NR6A1: variants seen among roughly 807,000 people sequenced by gnomAD.
The protein encoded by NR6A1 is nuclear receptor subfamily 6 group A member 1.
NR6A1 carries 7 observed loss-of-function variants against 59.1 expected under a neutral mutation model. The ratio of observed to expected loss-of-function variants is 0.12; its 90% confidence interval spans 0.07 to 0.22. The LOEUF is 0.22. NR6A1 is among the 10% of genes least tolerant of loss of function. The probability of loss-of-function intolerance (pLI) is 1.00; values close to 1 mark genes in which losing one functional copy is unlikely to be tolerated. For synonymous variants in NR6A1, 243 were observed against 236.1 expected (o/e 1.03, Z -0.27); for missense variants, 468 against 611.6 (o/e 0.77, Z 2.48).
At chr9:124,624,835 C>T (rs1456379293) in intron 2 of NR6A1, among the ~76,000 whole-genome samples, 1 of 151,992 alleles carries the variant, frequency 6.6e-6, no homozygotes, top group African/African-American at 2.4e-5. Flanking sequence ...ACAAAAATAA[C>T]AGCCTTGAAC....
intron 2 of NR6A1, among the ~76,000 whole-genome samples, chr9:124,636,415 G>C (rs1836613674): frequency 6.6e-6 from 1 of 151,822 alleles, no homozygotes; most frequent in Non-Finnish European, 1.5e-5. Flanking sequence ...TTTTAATTTT[G>C]ATGAAGTCCA....
At chr9:124,761,078 A>C (rs1169333592) in intron 1 of NR6A1, among the ~76,000 whole-genome samples, 1 of 152,264 alleles carries the variant, frequency 6.6e-6, no homozygotes, top group Non-Finnish European at 1.5e-5. Context: ...GGAAGAAAAA[A>C]GCCAAATCTG....
chr9:124,653,243 C>A (rs188360484), intron 2 of NR6A1, among the ~76,000 whole-genome samples: 5 of 151,666 alleles, frequency 3.3e-5, no homozygotes, highest in Non-Finnish European at 5.9e-5. Flanking sequence ...CTTCAGTAAG[C>A]TGTGAAATCA....
chr9:124,562,547 C>T (rs868170538), intron 2 of NR6A1, among the ~76,000 whole-genome samples: 1 of 152,072 alleles, frequency 6.6e-6, no homozygotes, highest in Non-Finnish European at 1.5e-5. Flanking sequence ...CCTCACGCCT[C>T]GCCTCCCGAG....
chr9:124,601,130 G>C (rs1458104986), intron 2 of NR6A1, among the ~76,000 whole-genome samples: 1 of 151,674 alleles, frequency 6.6e-6, no homozygotes, highest in African/African-American at 2.4e-5. Flanking sequence ...ACAAAAATTA[G>C]CCAGGCATGG....
In NR6A1 at chr9:124,735,769, G is replaced by A. The variant is rs137906054; in HGVS notation, c.101-2420C>T. On this transcript the variant is annotated intron_variant, in intron 1 of 9. Coordinates refer to ENST00000487099, the MANE Select transcript of NR6A1 (RefSeq NM_033334.4). ...AAGTAAGTCTCACAGTTCTGGAGCC[G>A]TGAAGTCCAAGATCAAGATGCTGGT... 4.6e-5 allele frequency among the ~76,000 whole-genome samples: 7 copies of A among 152,290 alleles called. No homozygotes were observed. In the East Asian group the frequency reaches 9.6e-4, roughly 21 times the overall value.
intron 1 of NR6A1, among the ~76,000 whole-genome samples, chr9:124,764,222 G>A (rs920951532): frequency 6.6e-6 from 1 of 151,838 alleles, no homozygotes; most frequent in Non-Finnish European, 1.5e-5. Flanking sequence ...ATCTGGTTAA[G>A]CTATTCCCTT....
intron 2 of NR6A1, among the ~76,000 whole-genome samples, chr9:124,711,622 C>A (rs968644539): frequency 6.6e-6 from 1 of 152,096 alleles, no homozygotes; most frequent in African/African-American, 2.4e-5. Context: ...TCACCCCATC[C>A]CCAAACTCAG....
At chr9:124,695,612 C>T (rs1212973845) in intron 2 of NR6A1, among the ~76,000 whole-genome samples, 3 of 152,196 alleles carry the variant, frequency 2.0e-5, no homozygotes, top group Non-Finnish European at 2.9e-5. Flanking sequence ...TCAAGTGATC[C>T]GCCCGCCTCG....
rs559145714 is a variant in NR6A1, at chr9:124,683,179, G to A, written c.142+50129C>T. Among the ~76,000 whole-genome samples the A allele has an allele frequency of 1.2e-4, 18 of 152,044 alleles. No individual in the cohort carries two copies. In the South Asian group the frequency reaches 3.3e-3, roughly 28 times the overall value. ...ATCACGCCACTACACTCCAGCCTGG[G>A]GCATAGAGTGAGACCCTCCAAGACA... On this transcript the variant is annotated intron_variant, in intron 2 of 9. Transcript: ENST00000487099.
At chr9:124,714,807 G>C (rs577559875) in intron 2 of NR6A1, among the ~76,000 whole-genome samples, 1 of 152,076 alleles carries the variant, frequency 6.6e-6, no homozygotes, top group African/African-American at 2.4e-5. Context: ...TAAGGATAAA[G>C]ATGTATAAGA....
Position 124,688,756 on chromosome 9 carries a change from C to G in NR6A1, c.142+44552G>C, listed in dbSNP as rs543961688. Among the ~76,000 whole-genome samples, 356 of 152,270 alleles carry G rather than the reference C, an allele frequency of 2.3e-3. 2 individuals are homozygous for G. The highest frequency in any genetic ancestry group is 3.9e-3 in the Non-Finnish European group (264 of 68,012). On this transcript the variant is annotated intron_variant, in intron 2 of 9. Transcript: ENST00000487099. ...ATCTGAAGTTCACAGACAAACCCAC[C>G]AAGGAGGTGATAAATGAGTTCCTGG...
Position 124,599,019 on chromosome 9 carries a change from CCCT to C in NR6A1, c.143-44452_143-44450del, listed in dbSNP as rs1275349098. ...TTGGCACAAATCTTCAGGGTCTTGTCCCTCCTCATGAGGAGGCGGGTGGTCCCC... is the reference window on the plus strand; with the variant it reads ...TTGGCACAAATCTTCAGGGTCTTGTCCCTCATGAGGAGGCGGGTGGTCCCC... On this transcript the variant is annotated intron_variant, in intron 2 of 9. Coordinates refer to ENST00000487099, the MANE Select transcript of NR6A1 (RefSeq NM_033334.4). 57 of 742,978 alleles carry C rather than the reference CCCT, an allele frequency of 7.7e-5. 3 individuals carry two copies. Among genetic ancestry groups the C allele is most frequent in the South Asian group, 7.2e-4 (51 of 70,774 alleles). The allele number at this position is 742,978 out of a possible 1,614,324, so 46.0% of individuals were successfully genotyped here. A position where few individuals can be genotyped will look rare whatever the true frequency, so the allele number is the denominator to read the frequency against.
chr9:124,592,678 C>T (rs1283074701), intron 2 of NR6A1, among the ~76,000 whole-genome samples: 1 of 152,154 alleles, frequency 6.6e-6, no homozygotes, highest in East Asian at 1.9e-4. Context: ...GCAGGTCTCC[C>T]CGCCTCCCCT....
chr9:124,706,537 T>C (rs10760372), intron 2 of NR6A1, among the ~76,000 whole-genome samples: 94,291 of 151,618 alleles, frequency 0.62, 30,794 homozygotes, highest in African/African-American at 0.83. Context: ...TTTTTTGAGA[T>C]AGTCTCGCCC....
intron 2 of NR6A1, among the ~76,000 whole-genome samples, chr9:124,573,093 C>T (rs556371156): frequency 1.2e-4 from 18 of 152,190 alleles, no homozygotes; most frequent in Non-Finnish European, 2.1e-4. Flanking sequence ...ATCTTCACAG[C>T]GACAATGGGG....
At chr9:124,643,047 C>A (rs1214658171) in intron 2 of NR6A1, among the ~76,000 whole-genome samples, 1 of 135,140 alleles carries the variant, frequency 7.4e-6, no homozygotes, top group Non-Finnish European at 1.5e-5. Context: ...TTAGCTTTAT[C>A]TAGCACCTCT....
chr9:124,664,136 A>G (rs141615915), intron 2 of NR6A1, among the ~76,000 whole-genome samples: 1 of 152,220 alleles, frequency 6.6e-6, no homozygotes, highest in Non-Finnish European at 1.5e-5. Flanking sequence ...TTCCTACTAC[A>G]TCTGTGGATT....
At chr9:124,571,268 G>A (rs949238268) in intron 2 of NR6A1, among the ~76,000 whole-genome samples, 1 of 152,202 alleles carries the variant, frequency 6.6e-6, no homozygotes, top group African/African-American at 2.4e-5. Flanking sequence ...GGTTAGTTGA[G>A]GTAGTGGGAG....
Sources: allele counts gnomAD v4.1 joint callset (sites outside exome capture counted in the v4.1 genomes callset), GRCh38; gene constraint gnomAD v4.1.1; transcripts MANE v1.5; gene names NCBI Gene and HGNC (gene_info 2026-07-23, HGNC 2026-07-21).